The following CSNK2A2IP variants were observed in gnomAD, a reference collection of about 807,000 sequenced individuals.
The protein encoded by CSNK2A2IP is casein kinase II subunit alpha'-interacting protein.
At chr3:88,402,537 G>A in the CSNK2A2IP span, among the ~76,000 whole-genome samples, 24 of 152,008 alleles carry the variant, frequency 1.6e-4, no homozygotes, top group African/African-American at 4.6e-4. Flanking sequence ...AATTGGATAT[G>A]TTTATATACA....
At chr3:88,409,242 A>C in the CSNK2A2IP span, among the ~76,000 whole-genome samples, 1 of 151,952 alleles carries the variant, frequency 6.6e-6, no homozygotes, top group Non-Finnish European at 1.5e-5. Flanking sequence ...ATGCCTCAGC[A>C]GTTACTTTCT....
the CSNK2A2IP span, among the ~76,000 whole-genome samples, chr3:88,454,401 G>T: frequency 2.9e-3 from 438 of 151,786 alleles, 2 homozygotes; most frequent in African/African-American, 9.9e-3. Flanking sequence ...GTCTTATGAA[G>T]AGAAGAAGTT....
chr3:88,451,681 C>T, the CSNK2A2IP span, among the ~76,000 whole-genome samples: 2 of 150,972 alleles, frequency 1.3e-5, no homozygotes, highest in Admixed American at 1.3e-4. Flanking sequence ...TTCTTCCTTC[C>T]AACTGTGAGT....
the CSNK2A2IP span, among the ~76,000 whole-genome samples, chr3:88,362,855 G>C: frequency 0.44 from 66,589 of 151,946 alleles, 15,848 homozygotes; most frequent in South Asian, 0.62. Context: ...GTCCTTTGTA[G>C]TCTTCCCTCT....
the CSNK2A2IP span, among the ~76,000 whole-genome samples, chr3:88,390,026 G>T: frequency 3.3e-5 from 5 of 151,998 alleles, no homozygotes; most frequent in Non-Finnish European, 7.4e-5. Context: ...AAAACGGCTC[G>T]TCAGAATCAG....
chr3:88,346,445 G>A, the CSNK2A2IP span, among the ~76,000 whole-genome samples: 3 of 151,950 alleles, frequency 2.0e-5, no homozygotes, highest in Admixed American at 6.6e-5. Context: ...CAAAAGACAG[G>A]CTGACTCTTG....
At chr3:88,418,322 A>C in the CSNK2A2IP span, among the ~76,000 whole-genome samples, 1 of 152,062 alleles carries the variant, frequency 6.6e-6, no homozygotes, top group Non-Finnish European at 1.5e-5. Flanking sequence ...AACATATTGC[A>C]TGCCTGTCGG....
chr3:88,415,311 T>C, the CSNK2A2IP span, among the ~76,000 whole-genome samples: 1 of 152,044 alleles, frequency 6.6e-6, no homozygotes, highest in African/African-American at 2.4e-5. Flanking sequence ...ATAATGAAGA[T>C]AAATTCAAGG....
the CSNK2A2IP span, among the ~76,000 whole-genome samples, chr3:88,377,155 C>G: frequency 0.068 from 10,358 of 151,762 alleles, 500 homozygotes; most frequent in Non-Finnish European, 0.11. Context: ...GAGATCCAGA[C>G]CCTTATTTCC....
chr3:88,338,566 A>G, the CSNK2A2IP span: 1 of 152,154 alleles, frequency 6.6e-6, no homozygotes, highest in African/African-American at 2.4e-5. Context: ...TTTCCTCACC[A>G]GTGAAAATTA....
At chr3:88,417,010 A>G in the CSNK2A2IP span, among the ~76,000 whole-genome samples, 1 of 151,408 alleles carries the variant, frequency 6.6e-6, no homozygotes, top group African/African-American at 2.4e-5. Context: ...ATATTATTCA[A>G]TATATTTTTA....
chr3:88,405,115 C>T, the CSNK2A2IP span, among the ~76,000 whole-genome samples: 1 of 152,076 alleles, frequency 6.6e-6, no homozygotes, highest in Admixed American at 6.6e-5. Flanking sequence ...CCACCCAGTT[C>T]TTTCACTATA....
At chr3:88,374,837 A>G in the CSNK2A2IP span, among the ~76,000 whole-genome samples, 2 of 151,750 alleles carry the variant, frequency 1.3e-5, no homozygotes, top group Non-Finnish European at 3.0e-5. Flanking sequence ...GCTAAAGTAT[A>G]TAGAAGTTAT....
chr3:88,426,250 T>C, the CSNK2A2IP span, among the ~76,000 whole-genome samples: 3 of 152,192 alleles, frequency 2.0e-5, no homozygotes, highest in African/African-American at 7.2e-5. Flanking sequence ...ATTTATTAAA[T>C]ATTGCCTTAA....
the CSNK2A2IP span, among the ~76,000 whole-genome samples, chr3:88,440,140 T>C: frequency 2.6e-5 from 4 of 152,232 alleles, no homozygotes; most frequent in African/African-American, 7.2e-5. Flanking sequence ...GTTTGTGCTA[T>C]GAAATATACA....
the CSNK2A2IP span, among the ~76,000 whole-genome samples, chr3:88,348,017 T>C: frequency 6.6e-6 from 1 of 152,120 alleles, no homozygotes; most frequent in African/African-American, 2.4e-5. Context: ...ATACTTCCTA[T>C]AAAGACTTTC....
At chr3:88,389,707 T>C in the CSNK2A2IP span, among the ~76,000 whole-genome samples, 3 of 151,856 alleles carry the variant, frequency 2.0e-5, no homozygotes, top group African/African-American at 7.3e-5. Flanking sequence ...GGGGCAAAGA[T>C]GGTAAGGAGA....
the CSNK2A2IP span, among the ~76,000 whole-genome samples, chr3:88,353,467 C>A: frequency 6.6e-6 from 1 of 152,194 alleles, no homozygotes; most frequent in Non-Finnish European, 1.5e-5. Context: ...ACTCTTCAGG[C>A]CTTTCACGTC....
At chr3:88,454,876 A>C in the CSNK2A2IP span, among the ~76,000 whole-genome samples, 437 of 151,908 alleles carry the variant, frequency 2.9e-3, 2 homozygotes, top group African/African-American at 9.8e-3. Context: ...CCTATGACCA[A>C]TATCTCCCAT....
Sources: gnomAD v4.1 joint callset for allele counts (sites outside exome capture counted in the v4.1 genomes callset) on GRCh38, gnomAD v4.1.1 for gene constraint, MANE v1.5 for transcripts, NCBI Gene and HGNC (gene_info 2026-07-23, HGNC 2026-07-21) for gene names.